The following IMPG2 variants were observed in gnomAD, a reference collection of about 807,000 sequenced individuals.
The protein encoded by IMPG2 is interphotoreceptor matrix proteoglycan 2, also known as IPM 200.
A neutral mutation model predicts 129.2 loss-of-function variants in IMPG2; 91 were observed. The ratio of observed to expected loss-of-function variants is 0.70; its 90% CI spans 0.59 to 0.84. IMPG2 has a LOEUF of 0.84. Among genes scored for constraint, IMPG2 ranks in the 40% least tolerant of loss-of-function variants. IMPG2 has a pLI of 0.00. For synonymous variants in IMPG2, 510 were observed against 517.7 expected, an observed-to-expected ratio of 0.99 and a Z score of 0.20; for missense variants, 1,430 against 1,461.7, an observed-to-expected ratio of 0.98 and a Z score of 0.35.
At chr3:101,291,905 A>G (rs1367098088) in intron 3 of IMPG2, among the ~76,000 whole-genome samples, 1 of 152,222 alleles carries the variant, frequency 6.6e-6, no homozygotes, top group Non-Finnish European at 1.5e-5. Flanking sequence ...CAATGTAAAC[A>G]TGTGGATAAA....
At chr3:101,271,914 C>T (rs1380416623) in intron 7 of IMPG2, among the ~76,000 whole-genome samples, 1 of 152,124 alleles carries the variant, frequency 6.6e-6, no homozygotes, top group Admixed American at 6.5e-5. Context: ...TACATGACTG[C>T]TGTGAGCAAA....
chr3:101,294,709 G>A (rs1254325566), intron 3 of IMPG2, among the ~76,000 whole-genome samples: 1 of 152,154 alleles, frequency 6.6e-6, no homozygotes, highest in African/African-American at 2.4e-5. Flanking sequence ...ATTCCCACCA[G>A]CAGTGTAAAA....
At chr3:101,304,380 A>C (rs1707167825) in intron 2 of IMPG2, 68 bp from the exon 3 acceptor site, 1 of 1,382,848 alleles carries the variant, frequency 7.2e-7, no homozygotes, top group Non-Finnish European at 1.0e-6. Flanking sequence ...ATGATCATAG[A>C]CTGATTCGTA....
Position 101,230,986 on chromosome 3 carries a change from A to T in IMPG2, c.3393T>A (p.His1131Gln). The change falls in exon 16 of 19, where the codon CAT becomes CAA. Residue 1131 changes from histidine to glutamine, a missense_variant. Physicochemically the swap from His to Gln is conservative, Grantham distance 24. Coordinates refer to ENST00000193391, the MANE Select transcript of IMPG2 (RefSeq NM_016247.4). The stretch of plus-strand genomic sequence containing the variant: ...AGGGACTCTCTCTTTCACTCCTGTC[A>T]TGGTGTGCTTGGAGAGTCCTGATGA... ...YFFIRTLQAH[H>Q]DRSERESPFS... is the part of the protein sequence containing the mutation. 2 of 1,613,782 alleles carry T rather than the reference A, an allele frequency of 1.2e-6. No individual in the cohort carries two copies. The highest frequency in any genetic ancestry group is 2.2e-5 in the South Asian group (2 of 91,084).
intron 14 of IMPG2, among the ~76,000 whole-genome samples, chr3:101,240,726 G>C (rs1454596020): frequency 6.6e-6 from 1 of 152,240 alleles, no homozygotes; most frequent in Non-Finnish European, 1.5e-5. Flanking sequence ...ATGTGCAAAT[G>C]GCCTTAGAGA....
chr3:101,232,222 TA>T lies in IMPG2; in HGVS notation c.3233+558del, dbSNP rs1165116105. On this transcript the variant is annotated intron_variant, in intron 15 of 18. Coordinates refer to ENST00000193391, the MANE Select transcript of IMPG2 (RefSeq NM_016247.4). ...CTCCAAGTAGTCTCAGTAGGATTTT[TA>T]TTTTTTTTTTATTTATTTTTTATTT... 2.0e-3 allele frequency among the ~76,000 whole-genome samples: 171 copies of T among 85,204 alleles called. 1 individual carries two copies. The highest frequency in any genetic ancestry group is 6.9e-3 in the African/African-American group (161 of 23,338). 55.9% of individuals were successfully genotyped at this position (85,204 alleles called of 152,430 possible). A position where few individuals can be genotyped will look rare whatever the true frequency, so the allele number is the denominator to read the frequency against.
At chr3:101,269,611 A>C (rs929434967) in intron 7 of IMPG2, 38 bp from the exon 8 acceptor site, 2 of 1,095,974 alleles carry the variant, frequency 1.8e-6, no homozygotes, top group Admixed American at 1.7e-5. Flanking sequence ...ACTATGTAAA[A>C]ATATGGAAAA....
Position 101,253,770 on chromosome 3 carries a change from A to C in IMPG2, c.1165T>G (p.Leu389Val), listed in dbSNP as rs1706569671. 1.3e-5 allele frequency: 21 copies of C among 1,610,074 alleles called. No individual in the cohort carries two copies. Among genetic ancestry groups the C allele is most frequent in the Non-Finnish European group, 1.8e-5 (21 of 1,177,658 alleles). Residue 389 changes from leucine to valine, a missense_variant, in exon 11 of 19, where the codon TTG becomes GTG. Leu to Val is a conservative substitution (Grantham distance 32). Transcript: ENST00000193391. ...SLQLINVRGV[L>V]RHQTEDLVWN... Reference sequence around the variant, plus strand: ...ACTAGATCTTCAGTTTGGTGACGCAAAACTCCTCTCACTGAGGAAAGAACA... The same window carrying C: ...ACTAGATCTTCAGTTTGGTGACGCACAACTCCTCTCACTGAGGAAAGAACA...
chr3:101,276,427 G>A (rs1401141328), intron 5 of IMPG2, among the ~76,000 whole-genome samples: 1 of 152,164 alleles, frequency 6.6e-6, no homozygotes, highest in Non-Finnish European at 1.5e-5. Flanking sequence ...TTTGTTTTAA[G>A]TGGTGTTCTG....
At position 101,223,954 on chromosome 3, in the gene IMPG2, C is replaced by G. The variant is rs1299021961; in HGVS notation, c.*3015G>C. On this transcript the variant is annotated 3_prime_UTR_variant, in exon 19 of 19. Coordinates refer to ENST00000193391, the MANE Select transcript of IMPG2 (RefSeq NM_016247.4). ...AGGAGTTTGAGACCAGGCTGGCCAA[C>G]ATGGTGACGGTGAAACCCCATCTCT... 6 of 152,204 alleles carry G rather than the reference C, an allele frequency of 3.9e-5. No individual in the cohort carries two copies. The highest frequency in any genetic ancestry group is 2.1e-4 in the South Asian group (1 of 4,830). The allele number at this position is 152,204 out of a possible 1,614,324, so 9.4% of individuals were successfully genotyped here. A position where few individuals can be genotyped will look rare whatever the true frequency, so the allele number is the denominator to read the frequency against.
At chr3:101,276,432 G>A (rs1706840933) in intron 5 of IMPG2, among the ~76,000 whole-genome samples, 1 of 152,090 alleles carries the variant, frequency 6.6e-6, no homozygotes, top group Non-Finnish European at 1.5e-5. Context: ...TTTAAGTGGT[G>A]TTCTGACTTG....
rs1706443386 is a variant in IMPG2 at position 101,244,067 on chromosome 3, T to C, written c.2264A>G (p.Asn755Ser). The C allele has an allele frequency of 6.2e-7, 1 of 1,614,050 alleles. No homozygotes were observed. The highest frequency in any genetic ancestry group is 1.6e-4 in the Middle Eastern group (1 of 6,062). Residue 755 changes from asparagine to serine, a missense_variant, in exon 13 of 19, where the codon AAC becomes AGC. Asn to Ser is a conservative substitution (Grantham distance 46, BLOSUM62 1). Coordinates refer to ENST00000193391, the MANE Select transcript of IMPG2 (RefSeq NM_016247.4). ...EDMEQITESS[N>S]YEWFDSEVSM... ...AACCTCACTGTCAAACCATTCATAG[T>C]TGGATGACTCAGTAATTTGTTCCAT...
At chr3:101,247,120 A>T (rs1031475285) in intron 11 of IMPG2, among the ~76,000 whole-genome samples, 1 of 152,074 alleles carries the variant, frequency 6.6e-6, no homozygotes, top group African/African-American at 2.4e-5. Flanking sequence ...AATGTTTAAC[A>T]ATAATGCTAA....
chr3:101,247,049 T>C (rs769406723), intron 11 of IMPG2, among the ~76,000 whole-genome samples: 19 of 151,288 alleles, frequency 1.3e-4, no homozygotes, highest in South Asian at 6.4e-4. Context: ...TGAGCTAAGA[T>C]CAACCCACTG....
chr3:101,244,423 A>G lies in IMPG2; in HGVS notation c.1908T>C (p.Asp636=), dbSNP rs35648234. The change falls in exon 13 of 19, where the codon GAT becomes GAC. Residue 636 remains aspartate (D), a synonymous_variant. Transcript: ENST00000193391. ...EPLSKPWLED[D]DSLLPAEIED... is the part of the protein sequence containing the mutation. ...CAATCTCAGCTGGCAAAAGTGAATC[A>G]TCATCTTCAAGCCACGGCTTGGACA... 3.6e-3 allele frequency: 5,732 copies of G among 1,614,172 alleles called. 167 individuals carry two copies. The African/African-American group carries it at 0.066, about 19-fold the overall frequency.
At chr3:101,287,804 A>G (rs577988214) in intron 4 of IMPG2, among the ~76,000 whole-genome samples, 114 of 152,202 alleles carry the variant, frequency 7.5e-4, no homozygotes, top group African/African-American at 2.4e-3. Flanking sequence ...GAAAACTTAG[A>G]AAATATCTTT....
At position 101,273,571 on chromosome 3, in the gene IMPG2, A is replaced by C; in HGVS notation, c.828+10T>G. On this transcript the variant is annotated intron_variant, in intron 7 of 18. Transcript: ENST00000193391. Reference sequence around the variant, plus strand: ...ATACTGCCTTGTTTGTTTTTTTTTTAATCACCCACCTCTGAAATAAATTCT... The same window carrying C: ...ATACTGCCTTGTTTGTTTTTTTTTTCATCACCCACCTCTGAAATAAATTCT... The C allele has an allele frequency of 1.2e-6, 2 of 1,612,284 alleles. No individual in the cohort carries two copies. Among genetic ancestry groups the C allele is most frequent in the Non-Finnish European group, 1.7e-6 (2 of 1,179,158 alleles).
At chr3:101,297,740 A>G (rs1211694242) in intron 3 of IMPG2, among the ~76,000 whole-genome samples, 1 of 152,192 alleles carries the variant, frequency 6.6e-6, no homozygotes. Context: ...CAGTTCTAAT[A>G]GGATTACACT....
At chr3:101,246,457 T>G (rs1445542932) in intron 11 of IMPG2, among the ~76,000 whole-genome samples, 1 of 152,212 alleles carries the variant, frequency 6.6e-6, no homozygotes, top group Non-Finnish European at 1.5e-5. Flanking sequence ...TATATAGAAG[T>G]TACTGTTATC....
Sources: allele counts gnomAD v4.1 joint callset (sites outside exome capture counted in the v4.1 genomes callset), GRCh38; gene constraint gnomAD v4.1.1; transcripts MANE v1.5; gene names NCBI Gene and HGNC (gene_info 2026-07-23, HGNC 2026-07-21).